MAGI2: variants seen among roughly 807,000 people sequenced by gnomAD.
The protein encoded by MAGI2 is membrane associated guanylate kinase, WW and PDZ domain containing 2.
A neutral mutation model predicts 133.3 loss-of-function variants in MAGI2; 35 were observed. The observed-to-expected ratio is 0.26, with a 90% CI of 0.20 to 0.35. MAGI2 has a LOEUF of 0.35. MAGI2 is among the 10% of genes least tolerant of loss of function. The pLI is 1.00. For synonymous variants in MAGI2, 729 were observed against 710.6 expected (o/e 1.03, Z -0.41); for missense variants, 1,636 against 1,863.4 (o/e 0.88, Z 2.25).
intron 20 of MAGI2, among the ~76,000 whole-genome samples, chr7:78,096,391 G>GC (rs1563115801): frequency 6.6e-6 from 1 of 152,164 alleles, no homozygotes; most frequent in Non-Finnish European, 1.5e-5. Flanking sequence ...AGATCATAGG[G>GC]CTATGCAGGT....
intron 1 of MAGI2, among the ~76,000 whole-genome samples, chr7:79,309,888 T>C (rs904971891): frequency 1.3e-5 from 2 of 150,022 alleles, no homozygotes; most frequent in African/African-American, 4.9e-5. Flanking sequence ...CCCAGCACTT[T>C]GTGAGGCCGA....
chr7:78,687,689 C>A (rs922646056), intron 2 of MAGI2, among the ~76,000 whole-genome samples: 1 of 152,048 alleles, frequency 6.6e-6, no homozygotes, highest in South Asian at 2.1e-4. Flanking sequence ...AGCTTATAGA[C>A]TGGGCGCGGT....
At chr7:79,331,565 A>AAGGGTCTATTAC (rs1840073406) in intron 1 of MAGI2, among the ~76,000 whole-genome samples, 1 of 152,196 alleles carries the variant, frequency 6.6e-6, no homozygotes, top group South Asian at 2.1e-4. Flanking sequence ...ACAGACCAGA[A>AAGGGTCTATTAC]AGACCAAAAT....
intron 1 of MAGI2, among the ~76,000 whole-genome samples, chr7:79,421,904 CT>C (rs1196760574): frequency 6.6e-6 from 1 of 151,884 alleles, no homozygotes; most frequent in African/African-American, 2.4e-5. Flanking sequence ...TACCAGGGTC[CT>C]CATATTCTTG....
At chr7:78,533,682 C>CAAAAGA (rs1253240654) in intron 3 of MAGI2, among the ~76,000 whole-genome samples, 1 of 152,014 alleles carries the variant, frequency 6.6e-6, no homozygotes, top group African/African-American at 2.4e-5. Context: ...CTTAGTACCA[C>CAAAAGA]AAAAGAAATA....
intron 1 of MAGI2, among the ~76,000 whole-genome samples, chr7:79,160,626 A>G (rs1246666902): frequency 1.3e-5 from 2 of 152,084 alleles, no homozygotes; most frequent in Non-Finnish European, 2.9e-5. Context: ...ATTACATGTA[A>G]TCCAAATGCA....
intron 1 of MAGI2, among the ~76,000 whole-genome samples, chr7:79,151,002 GTTTTGTTTTTGT>G (rs377630955): frequency 2.0e-5 from 3 of 151,616 alleles, no homozygotes; most frequent in Non-Finnish European, 2.9e-5. Flanking sequence ...TGTTTGTTTT[GTTTTGTTTTTGT>G]TTTTGTTTTT....
chr7:78,188,372 T>C (rs2150716734), intron 12 of MAGI2, among the ~76,000 whole-genome samples: 1 of 152,304 alleles, frequency 6.6e-6, no homozygotes, highest in South Asian at 2.1e-4. Context: ...AAAATCCAGC[T>C]GAAAGGCAAA....
At chr7:79,425,242 A>T (rs1847257758) in intron 1 of MAGI2, among the ~76,000 whole-genome samples, 1 of 140,758 alleles carries the variant, frequency 7.1e-6, no homozygotes, top group Admixed American at 7.2e-5. Context: ...ACAGAGCGAG[A>T]CTCCGTCTCA....
Position 78,565,084 on chromosome 7 carries a change from G to A in MAGI2, c.539-43439C>T, listed in dbSNP as rs543590213. Reference sequence around the variant, plus strand: ...CTGGGATTACAGGTGTGAGCACCGCGCCCGGCCTCCTTGACCTTCTTTTCT... The same window carrying A: ...CTGGGATTACAGGTGTGAGCACCGCACCCGGCCTCCTTGACCTTCTTTTCT... On this transcript the variant is annotated intron_variant, in intron 3 of 21. Coordinates refer to ENST00000354212, the MANE Select transcript of MAGI2 (RefSeq NM_012301.4). Among the ~76,000 whole-genome samples, 40 of 151,876 alleles carry A rather than the reference G, an allele frequency of 2.6e-4. No individual in the cohort carries two copies. In the South Asian group the frequency reaches 4.0e-3, roughly 15 times the overall value.
chr7:79,127,198 C>T (rs1310255083), intron 1 of MAGI2, among the ~76,000 whole-genome samples: 2 of 152,232 alleles, frequency 1.3e-5, no homozygotes, highest in African/African-American at 4.8e-5. Context: ...TCTGGTCTAT[C>T]ATTGTTGGAC....
intron 1 of MAGI2, among the ~76,000 whole-genome samples, chr7:79,346,517 T>C (rs572681585): frequency 6.6e-6 from 1 of 151,968 alleles, no homozygotes; most frequent in Non-Finnish European, 1.5e-5. Flanking sequence ...TATTTTATCT[T>C]GCTCATCAGA....
intron 3 of MAGI2, among the ~76,000 whole-genome samples, chr7:78,525,611 G>GA (rs1259894469): frequency 2.6e-5 from 4 of 152,166 alleles, no homozygotes; most frequent in African/African-American, 9.7e-5. Flanking sequence ...TAAAACAGAC[G>GA]AAAAAACAAA....
At chr7:78,472,956 C>G (rs970701952) in intron 6 of MAGI2, among the ~76,000 whole-genome samples, 2 of 152,066 alleles carry the variant, frequency 1.3e-5, no homozygotes, top group Non-Finnish European at 2.9e-5. Context: ...ACTGAGGAAC[C>G]ACAAGGGAAG....
chr7:78,071,255 G>T (rs1814656294), intron 21 of MAGI2, among the ~76,000 whole-genome samples: 1 of 151,862 alleles, frequency 6.6e-6, no homozygotes, highest in African/African-American at 2.4e-5. Context: ...AAAGCCCCTG[G>T]CTGGGCCTGG....
At chr7:78,330,355 C>T (rs183396188) in intron 9 of MAGI2, among the ~76,000 whole-genome samples, 1,056 of 37,728 alleles carry the variant, frequency 0.028, 361 homozygotes, top group African/African-American at 0.12. Flanking sequence ...CGGTGGCTCA[C>T]GCCTGTAATC....
chr7:78,827,863 T>C (rs1428535012), intron 2 of MAGI2, among the ~76,000 whole-genome samples: 1 of 151,834 alleles, frequency 6.6e-6, no homozygotes, highest in Non-Finnish European at 1.5e-5. Flanking sequence ...CTTGAGGAGG[T>C]GAAGCACAGC....
chr7:78,273,833 T>G (rs1226269292), intron 9 of MAGI2, among the ~76,000 whole-genome samples: 1 of 152,220 alleles, frequency 6.6e-6, no homozygotes, highest in Non-Finnish European at 1.5e-5. Flanking sequence ...TAGCAATTCA[T>G]CTAACCTTTT....
chr7:78,459,235 T>C (rs1223497562), intron 6 of MAGI2, among the ~76,000 whole-genome samples: 1 of 152,206 alleles, frequency 6.6e-6, no homozygotes, highest in African/African-American at 2.4e-5. Context: ...ATATAAAACA[T>C]TTCATTAAGA....
Sources: gnomAD v4.1 joint callset for allele counts (sites outside exome capture counted in the v4.1 genomes callset) on GRCh38, gnomAD v4.1.1 for gene constraint, MANE v1.5 for transcripts, NCBI Gene and HGNC (gene_info 2026-07-23, HGNC 2026-07-21) for gene names.